The following ACAA2 variants were observed in gnomAD, a reference collection of about 807,000 sequenced individuals.
The protein encoded by ACAA2 is acetyl-CoA acyltransferase 2, also known as 3-ketoacyl-CoA thiolase, mitochondrial.
In ACAA2, 35 loss-of-function variants were observed where a neutral mutation model predicts 44.8. The observed-to-expected ratio is 0.78, with a 90% CI of 0.60 to 1.04. The LOEUF is 1.04. Among genes scored for constraint, ACAA2 ranks in the 50% least tolerant of loss-of-function variants. The probability of loss-of-function intolerance (pLI) is 0.00; values close to 1 mark genes in which losing one functional copy is unlikely to be tolerated. For synonymous variants in ACAA2, 142 were observed against 166.5 expected, an observed-to-expected ratio of 0.85 and a Z score of 1.13; for missense variants, 468 against 482.6, an observed-to-expected ratio of 0.97 and a Z score of 0.28.
intron 2 of ACAA2, 126 bp downstream of exon 2, chr18:49,802,560 CA>C (rs74176744): frequency 0.082 from 48,495 of 588,692 alleles, 37 homozygotes; most frequent in South Asian, 0.19. Context: ...GACTCCATCT[CA>C]AAAAAAAAAA....
In ACAA2 at chr18:49,802,742, G is replaced by T; in HGVS notation, c.128C>A (p.Ala43Asp). 1 of 1,614,132 alleles carries T rather than the reference G, an allele frequency of 6.2e-7. No homozygotes were observed. Among genetic ancestry groups the T allele is most frequent in the Non-Finnish European group, 8.5e-7 (1 of 1,180,016 alleles). Residue 43 changes from alanine (A) to aspartate (D), a missense_variant, in exon 2 of 10, where the codon GCT (alanine) becomes GAT (aspartate). By Grantham distance (126) the Ala-to-Asp change is moderately radical. Transcript: ENST00000285093. The part of the protein sequence containing the change: ...SEFAAKAALS[A>D]GKVSPETVDS... ...AACTGTTTCAGGTGAGACTTTGCCA[G>T]CAGACAAGGCAGCCTTGGCAGCAAA... is the stretch of plus-strand genomic sequence containing the variant.
intron 1 of ACAA2, 133 bp downstream of exon 1, chr18:49,813,336 C>T: frequency 4.4e-6 from 3 of 684,538 alleles, no homozygotes; most frequent in Non-Finnish European, 6.2e-6. Flanking sequence ...TTATCACGTC[C>T]GCTCCAAAAC....
Position 49,791,490 on chromosome 18 carries a change from T to C in ACAA2, c.863A>G (p.Asp288Gly). The C allele has an allele frequency of 6.2e-7, 1 of 1,611,958 alleles. No individual in the cohort carries two copies. Among genetic ancestry groups the C allele is most frequent in the African/African-American group, 1.3e-5 (1 of 74,962 alleles). ...CTTACCAATACCCATGATAGAGGGATCACATCCAGATACAAAGTAGCCCAC... is the reference window on the plus strand; with the variant it reads ...CTTACCAATACCCATGATAGAGGGACCACATCCAGATACAAAGTAGCCCAC... Reference protein sequence around the residue: ...RIVGYFVSGCDPSIMGIGPVP... With the variant: ...RIVGYFVSGCGPSIMGIGPVP... Residue 288 changes from aspartate (D) to glycine (G), a missense_variant, in exon 7 of 10, where the codon GAT becomes GGT. Physicochemically the swap from Asp to Gly is moderately conservative, Grantham distance 94. Coordinates refer to ENST00000285093, the MANE Select transcript of ACAA2 (RefSeq NM_006111.3).
intron 1 of ACAA2, chr18:49,811,438 T>C (rs895599185): frequency 2.6e-5 from 4 of 152,196 alleles, no homozygotes; most frequent in Non-Finnish European, 2.9e-5. Flanking sequence ...CTAGGAGCAG[T>C]AGGAGAGCTA....
intron 6 of ACAA2, among the ~76,000 whole-genome samples, 192 bp downstream of exon 6, chr18:49,791,960 A>G (rs1276402564): frequency 6.6e-6 from 1 of 152,228 alleles, no homozygotes; most frequent in African/African-American, 2.4e-5. Flanking sequence ...AGAAATCAGA[A>G]GAGTATTATA....
At chr18:49,798,314 T>A (rs1598797433) in intron 2 of ACAA2, among the ~76,000 whole-genome samples, 1 of 152,200 alleles carries the variant, frequency 6.6e-6, no homozygotes, top group East Asian at 1.9e-4. Context: ...AGACCACCAC[T>A]CCCAAAACTT....
At chr18:49,785,731 C>G (rs1012902747) in intron 8 of ACAA2, 1 of 195,438 alleles carries the variant, frequency 5.1e-6, no homozygotes, top group African/African-American at 2.4e-5. Flanking sequence ...TTCACGTTTC[C>G]GCGTGTGAAA....
chr18:49,811,645 G>C (rs559323174), intron 1 of ACAA2: 22 of 152,256 alleles, frequency 1.4e-4, no homozygotes, highest in Admixed American at 1.2e-3. Flanking sequence ...CACTTGGTAT[G>C]CTGCTTGAGA....
intron 1 of ACAA2, among the ~76,000 whole-genome samples, chr18:49,809,008 G>A (rs1279501901): frequency 1.3e-5 from 2 of 152,002 alleles, no homozygotes; most frequent in East Asian, 1.9e-4. Flanking sequence ...CTCCCAGAGC[G>A]GCCATTTATA....
intron 8 of ACAA2, chr18:49,786,058 A>C (rs2023325358): frequency 6.6e-6 from 1 of 152,202 alleles, no homozygotes; most frequent in South Asian, 2.1e-4. Context: ...ATATGATCTT[A>C]ATTCAGGAAT....
At chr18:49,789,230 G>A (rs900320977) in intron 7 of ACAA2, among the ~76,000 whole-genome samples, 1 of 152,102 alleles carries the variant, frequency 6.6e-6, no homozygotes, top group African/African-American at 2.4e-5. Flanking sequence ...AGGATTGCTA[G>A]TCATTAGGTA....
chr18:49,787,216 TAA>T, intron 8 of ACAA2, 73 bp downstream of exon 8: 1 of 1,189,914 alleles, frequency 8.4e-7, no homozygotes, highest in Non-Finnish European at 1.1e-6. Flanking sequence ...GAGACCAAAT[TAA>T]AGTCATTTAT....
chr18:49,802,859 G>A lies in ACAA2; in HGVS notation c.17-6C>T. 1.2e-6 allele frequency: 2 copies of A among 1,613,836 alleles called. No homozygotes were observed. The highest frequency in any genetic ancestry group is 2.7e-5 in the African/African-American group (2 of 74,996). ...AGCAGCAACTACAAACACACCTATT[G>A]CAACAAGAAGAGATTTGTAAGCCAT... On this transcript the variant is annotated splice_polypyrimidine_tract_variant and splice_region_variant and intron_variant, in intron 1 of 9. Transcript: ENST00000285093.
intron 4 of ACAA2, among the ~76,000 whole-genome samples, chr18:49,794,667 A>G (rs992568466): frequency 8.5e-5 from 13 of 152,196 alleles, no homozygotes; most frequent in Non-Finnish European, 1.3e-4. Flanking sequence ...GTGGGGGTCT[A>G]AGAACAGCTA....
chr18:49,811,621 A>G (rs1397476705), intron 1 of ACAA2: 2 of 152,068 alleles, frequency 1.3e-5, no homozygotes. Context: ...CTTTCTTCCC[A>G]CCCATCCTGC....
chr18:49,782,916 ATT>A lies in ACAA2; in HGVS notation c.*929_*930del. On this transcript the variant is annotated 3_prime_UTR_variant, in exon 10 of 10. Transcript: ENST00000285093. ...TAAATTCAATTTAATCTTAATTAAA[ATT>A]TCCAGTGGCTCTTTGATGAAGTTAA... The A allele has an allele frequency of 1.3e-5, 2 of 152,218 alleles. No individual in the cohort carries two copies. Among genetic ancestry groups the A allele is most frequent in the Non-Finnish European group, 2.9e-5 (2 of 68,044 alleles). The allele number at this position is 152,218 out of a possible 1,614,324, so 9.4% of individuals were successfully genotyped here.
At chr18:49,787,269 A>AAC in intron 8 of ACAA2, 22 bp downstream of exon 8, 1 of 1,432,806 alleles carries the variant, frequency 7.0e-7, no homozygotes, top group South Asian at 1.5e-5. Flanking sequence ...TTAAAAAAAA[A>AAC]AAAAAAAAAA....
At chr18:49,806,898 G>A (rs747760298) in intron 1 of ACAA2, among the ~76,000 whole-genome samples, 7 of 151,470 alleles carry the variant, frequency 4.6e-5, no homozygotes, top group South Asian at 2.1e-4. Flanking sequence ...AAAATTCAGC[G>A]ACTTTGAAGA....
rs763895191 is a variant in ACAA2 at position 49,785,333 on chromosome 18, G to A, written c.973C>T (p.Pro325Ser). 1.5e-5 allele frequency: 24 copies of A among 1,613,014 alleles called. No individual in the cohort carries two copies. Among genetic ancestry groups the A allele is most frequent in the Non-Finnish European group, 1.9e-5 (23 of 1,179,808 alleles). Residue 325 changes from proline to serine, a missense_variant, in exon 9 of 10, where the codon CCC becomes TCC. Transcript: ENST00000285093. ...DLVEVNEAFAPQYLAVERSLD... is the reference protein window; with the variant it reads ...DLVEVNEAFASQYLAVERSLD... The stretch of plus-strand genomic sequence containing the variant: ...CTCCTCTCAACAGCCAAGTACTGGG[G>A]AGCAAAAGCTTCATTCACCTTAAAA...
Sources: gnomAD v4.1 joint callset for allele counts (sites outside exome capture counted in the v4.1 genomes callset) on GRCh38, gnomAD v4.1.1 for gene constraint, MANE v1.5 for transcripts, NCBI Gene and HGNC (gene_info 2026-07-23, HGNC 2026-07-21) for gene names.